TMTC2: variants seen among roughly 807,000 people sequenced by gnomAD.
The protein encoded by TMTC2 is transmembrane O-mannosyltransferase targeting cadherins 2.
TMTC2 carries 43 observed loss-of-function variants against 82.4 expected under a neutral mutation model. The observed-to-expected ratio is 0.52, with a 90% CI of 0.41 to 0.67. The LOEUF is 0.67. Ranked by LOEUF, TMTC2 falls within the 30% of genes least tolerant of loss-of-function variation. The pLI, the probability that TMTC2 is intolerant of heterozygous loss-of-function variation, is 0.00. For missense variants in TMTC2, 919 were observed against 1,012.4 expected (o/e 0.91, Z 1.25); for synonymous variants, 408 against 381.9 (o/e 1.07, Z -0.80).
intron 11 of TMTC2, among the ~76,000 whole-genome samples, chr12:83,072,195 G>C (rs892757218): frequency 1.2e-4 from 19 of 152,044 alleles, no homozygotes; most frequent in Admixed American, 2.0e-4. Context: ...CTGAGGTTTT[G>C]ATAGGTTGTC....
chr12:82,797,550 G>A (rs137931060), intron 1 of TMTC2, among the ~76,000 whole-genome samples: 19 of 152,052 alleles, frequency 1.2e-4, no homozygotes, highest in East Asian at 1.9e-4. Flanking sequence ...GTTGGTTGCC[G>A]TGTATAAAAA....
intron 2 of TMTC2, among the ~76,000 whole-genome samples, chr12:82,866,186 A>G (rs1871843060): frequency 8.3e-6 from 1 of 120,420 alleles, no homozygotes. Flanking sequence ...GGAGATAGAG[A>G]CACAAAAAAA....
Position 82,986,019 on chromosome 12 carries a change from C to A in TMTC2, c.2043C>A (p.Leu681=). The A allele has an allele frequency of 6.2e-7, 1 of 1,614,014 alleles. No homozygotes were observed. The change falls in exon 8 of 12, where the codon CTC becomes CTA. Residue 681 remains leucine (L), a synonymous_variant. Transcript: ENST00000321196. The stretch of plus-strand genomic sequence containing the variant: ...AGACTGACCACATCCCTGCTCATCT[C>A]ACCTATGGGAAGCTGCTAGCTCTAA... ...RSKTDHIPAH[L]TYGKLLALTG...
intron 1 of TMTC2, among the ~76,000 whole-genome samples, chr12:82,789,005 T>C (rs138288049): frequency 6.6e-6 from 1 of 152,150 alleles, no homozygotes; most frequent in Non-Finnish European, 1.5e-5. Context: ...CCTCAAAAAA[T>C]AGATAAATAA....
intron 11 of TMTC2, among the ~76,000 whole-genome samples, chr12:83,065,745 C>T (rs1450770942): frequency 2.6e-5 from 4 of 151,856 alleles, no homozygotes; most frequent in Non-Finnish European, 5.9e-5. Flanking sequence ...TGCTGACTCT[C>T]AAGGACTAGA....
intron 3 of TMTC2, among the ~76,000 whole-genome samples, chr12:82,905,394 A>T (rs1305929612): frequency 6.6e-6 from 1 of 152,204 alleles, no homozygotes; most frequent in Non-Finnish European, 1.5e-5. Flanking sequence ...AATTTGATTT[A>T]AAAAAATATG....
chr12:82,956,662 C>T (rs777975489), intron 4 of TMTC2, among the ~76,000 whole-genome samples: 37 of 151,988 alleles, frequency 2.4e-4, no homozygotes, highest in Non-Finnish European at 5.0e-4. Context: ...CCATGTTGAC[C>T]AGACTGGTAT....
chr12:82,973,113 A>T (rs912885867), intron 7 of TMTC2, among the ~76,000 whole-genome samples: 28 of 152,292 alleles, frequency 1.8e-4, no homozygotes, highest in African/African-American at 6.7e-4. Flanking sequence ...TGGAAGCATT[A>T]ACACTCCAGT....
intron 1 of TMTC2, among the ~76,000 whole-genome samples, chr12:82,719,669 G>GTTT (rs1335252610): frequency 2.2e-5 from 1 of 45,216 alleles, no homozygotes; most frequent in Non-Finnish European, 4.1e-5. Context: ...ATGTCTCTCT[G>GTTT]TCTTTTTTTT....
chr12:82,748,426 C>T (rs976458284), intron 1 of TMTC2, among the ~76,000 whole-genome samples: 2 of 152,158 alleles, frequency 1.3e-5, no homozygotes, highest in African/African-American at 4.8e-5. Context: ...GGAATTGAAT[C>T]CCAGCTTGGC....
chr12:82,949,936 G>A (rs1483494163), intron 4 of TMTC2, among the ~76,000 whole-genome samples: 2 of 152,146 alleles, frequency 1.3e-5, no homozygotes, highest in Non-Finnish European at 2.9e-5. Context: ...TCATTGGGAG[G>A]CTGCAGTTTA....
At chr12:82,789,686 T>C (rs1217848268) in intron 1 of TMTC2, among the ~76,000 whole-genome samples, 1 of 152,186 alleles carries the variant, frequency 6.6e-6, no homozygotes, top group African/African-American at 2.4e-5. Flanking sequence ...TTATTAATAC[T>C]ATAGGAAGAA....
chr12:82,850,060 TG>T (rs1308464091), intron 1 of TMTC2, among the ~76,000 whole-genome samples: 1 of 152,016 alleles, frequency 6.6e-6, no homozygotes, highest in Non-Finnish European at 1.5e-5. Context: ...ACCTTTCATC[TG>T]GGGGTAAGGG....
chr12:83,088,074 C>T (rs1883721934), intron 11 of TMTC2, among the ~76,000 whole-genome samples: 1 of 152,246 alleles, frequency 6.6e-6, no homozygotes, highest in Admixed American at 6.5e-5. Context: ...TTCAAGATAA[C>T]TTGCTGCAGC....
At chr12:83,111,818 A>T (rs1240905437) in intron 11 of TMTC2, among the ~76,000 whole-genome samples, 7 of 152,136 alleles carry the variant, frequency 4.6e-5, no homozygotes, top group African/African-American at 1.7e-4. Flanking sequence ...GGTGTAATTG[A>T]TGAGACATAC....
intron 1 of TMTC2, among the ~76,000 whole-genome samples, chr12:82,772,870 G>C (rs1877381606): frequency 6.6e-6 from 1 of 152,146 alleles, no homozygotes; most frequent in East Asian, 1.9e-4. Context: ...ACACAAATGG[G>C]AAAGTAGTGT....
chr12:83,053,399 G>C (rs1301619678), intron 10 of TMTC2, among the ~76,000 whole-genome samples: 3 of 151,986 alleles, frequency 2.0e-5, no homozygotes, highest in Non-Finnish European at 2.9e-5. Context: ...TCCCAAATCA[G>C]CAATTTAGGG....
intron 8 of TMTC2, among the ~76,000 whole-genome samples, chr12:83,007,845 A>G (rs1307065318): frequency 1.3e-5 from 2 of 152,160 alleles, no homozygotes; most frequent in African/African-American, 2.4e-5. Flanking sequence ...TTTTGTATCT[A>G]GAAAGTTTAT....
chr12:83,036,994 A>G (rs1481814985), intron 9 of TMTC2, among the ~76,000 whole-genome samples: 2 of 152,132 alleles, frequency 1.3e-5, no homozygotes, highest in African/African-American at 4.8e-5. Context: ...CACTACCACT[A>G]TAAGGGCACC....
Sources: allele counts gnomAD v4.1 joint callset (sites outside exome capture counted in the v4.1 genomes callset), GRCh38; gene constraint gnomAD v4.1.1; transcripts MANE v1.5; gene names NCBI Gene and HGNC (gene_info 2026-07-23, HGNC 2026-07-21).